KCNH7: variants seen among roughly 807,000 people sequenced by gnomAD.
KCNH7 encodes voltage-gated inwardly rectifying potassium channel KCNH7.
A neutral mutation model predicts 120.8 loss-of-function variants in KCNH7; 49 were observed. The observed-to-expected ratio is 0.41, with a 90% CI of 0.32 to 0.51. The LOEUF is 0.51. Ranked by LOEUF, KCNH7 falls within the 20% of genes least tolerant of loss-of-function variation. The pLI is 0.38. For missense variants in KCNH7, 1,097 were observed against 1,446.6 expected, an observed-to-expected ratio of 0.76 and a Z score of 3.92; for synonymous variants, 547 against 516.1, an observed-to-expected ratio of 1.06 and a Z score of -0.81.
chr2:162,671,883 T>A (rs1470644477), intron 2 of KCNH7, among the ~76,000 whole-genome samples: 1 of 152,084 alleles, frequency 6.6e-6, no homozygotes, highest in East Asian at 1.9e-4. Flanking sequence ...AAACTGGAGA[T>A]TAATTGTTCA....
intron 2 of KCNH7, among the ~76,000 whole-genome samples, chr2:162,806,992 T>C (rs1684561294): frequency 6.6e-6 from 1 of 151,558 alleles, no homozygotes; most frequent in Non-Finnish European, 1.5e-5. Flanking sequence ...ACAATAGAAA[T>C]AGAAACTATA....
At chr2:162,435,866 T>C (rs1375365091) in intron 7 of KCNH7, among the ~76,000 whole-genome samples, 1 of 152,106 alleles carries the variant, frequency 6.6e-6, no homozygotes, top group Non-Finnish European at 1.5e-5. Flanking sequence ...CTAAGTGCCT[T>C]GCATAAGTCC....
chr2:162,805,179 G>T (rs1428369886), intron 2 of KCNH7, among the ~76,000 whole-genome samples: 1 of 151,822 alleles, frequency 6.6e-6, no homozygotes, highest in Non-Finnish European at 1.5e-5. Flanking sequence ...CCTAGGCAAA[G>T]AAATCATGAC....
At chr2:162,804,803 A>T (rs1007245692) in intron 2 of KCNH7, among the ~76,000 whole-genome samples, 4 of 151,564 alleles carry the variant, frequency 2.6e-5, no homozygotes, top group African/African-American at 9.7e-5. Context: ...AAATAATCCT[A>T]AGCAAAAAGA....
chr2:162,456,056 T>C (rs930596724), intron 6 of KCNH7, among the ~76,000 whole-genome samples: 2 of 152,182 alleles, frequency 1.3e-5, no homozygotes. Context: ...TCTTCCCAGC[T>C]TTCTGATGTG....
chr2:162,556,643 G>T (rs969390179), intron 2 of KCNH7, among the ~76,000 whole-genome samples: 1 of 152,110 alleles, frequency 6.6e-6, no homozygotes, highest in African/African-American at 2.4e-5. Flanking sequence ...CCATCTTACT[G>T]AGTCTTTAAA....
At chr2:162,780,026 G>T (rs1480824946) in intron 2 of KCNH7, among the ~76,000 whole-genome samples, 1 of 152,120 alleles carries the variant, frequency 6.6e-6, no homozygotes, top group Non-Finnish European at 1.5e-5. Flanking sequence ...TGGTGCAAAT[G>T]GATTCAAGGA....
chr2:162,494,082 G>A (rs749255489), intron 6 of KCNH7, among the ~76,000 whole-genome samples: 1 of 152,098 alleles, frequency 6.6e-6, no homozygotes, highest in African/African-American at 2.4e-5. Context: ...TCACTGCAAG[G>A]TCAAACTGGT....
At chr2:162,745,259 A>C (rs1688276185) in intron 2 of KCNH7, among the ~76,000 whole-genome samples, 1 of 152,192 alleles carries the variant, frequency 6.6e-6, no homozygotes, top group South Asian at 2.1e-4. Flanking sequence ...TTGTCGATTC[A>C]ATCTCAATTC....
intron 2 of KCNH7, among the ~76,000 whole-genome samples, chr2:162,666,946 T>G (rs188408842): frequency 7.3e-4 from 111 of 152,200 alleles, no homozygotes; most frequent in African/African-American, 2.6e-3. Context: ...ATTTGCATAT[T>G]TTCTCTCAAA....
At chr2:162,464,064 C>A (rs1433831623) in intron 6 of KCNH7, among the ~76,000 whole-genome samples, 4 of 151,898 alleles carry the variant, frequency 2.6e-5, no homozygotes, top group Non-Finnish European at 5.9e-5. Flanking sequence ...CAACTATCAA[C>A]CAAAGTCTTT....
chr2:162,615,998 A>G (rs1019337454), intron 2 of KCNH7, among the ~76,000 whole-genome samples: 12 of 152,188 alleles, frequency 7.9e-5, no homozygotes, highest in African/African-American at 2.9e-4. Flanking sequence ...TGCTGAGATG[A>G]GTTTCTACAC....
At chr2:162,542,500 G>A (rs546301620) in intron 2 of KCNH7, among the ~76,000 whole-genome samples, 14 of 146,732 alleles carry the variant, frequency 9.5e-5, no homozygotes, top group African/African-American at 2.0e-4. Context: ...AACATGCAGC[G>A]TTTGGCTTTT....
At chr2:162,479,673 A>C (rs58922496) in intron 6 of KCNH7, among the ~76,000 whole-genome samples, 3 of 145,184 alleles carry the variant, frequency 2.1e-5, no homozygotes, top group South Asian at 2.2e-4. Context: ...GTGTGTGTGC[A>C]TGTGTGTGTG....
At chr2:162,633,674 A>G (rs1000872272) in intron 2 of KCNH7, among the ~76,000 whole-genome samples, 1 of 151,910 alleles carries the variant, frequency 6.6e-6, no homozygotes, top group Non-Finnish European at 1.5e-5. Context: ...CCCTTTTTCT[A>G]TGTTAACTTA....
chr2:162,571,202 C>T (rs10191578), intron 2 of KCNH7, among the ~76,000 whole-genome samples: 4 of 151,234 alleles, frequency 2.6e-5, no homozygotes, highest in Non-Finnish European at 4.4e-5. Flanking sequence ...GAAAGTCTCA[C>T]GATACAAAAT....
intron 2 of KCNH7, among the ~76,000 whole-genome samples, chr2:162,692,746 A>C (rs538557031): frequency 6.6e-6 from 1 of 152,296 alleles, no homozygotes; most frequent in African/African-American, 2.4e-5. Flanking sequence ...AACACTGGAA[A>C]ATAAAACAAA....
chr2:162,598,935 A>T (rs966534053), intron 2 of KCNH7, among the ~76,000 whole-genome samples: 2 of 152,134 alleles, frequency 1.3e-5, no homozygotes, highest in African/African-American at 4.8e-5. Context: ...TAGTTGAAAC[A>T]GTAAATTTGT....
chr2:162,447,025 A>T (rs1688603064), intron 6 of KCNH7, among the ~76,000 whole-genome samples: 1 of 152,132 alleles, frequency 6.6e-6, no homozygotes, highest in South Asian at 2.1e-4. Context: ...AACACAAAAG[A>T]GGCTTTTCCT....
Sources: allele counts gnomAD v4.1 joint callset (sites outside exome capture counted in the v4.1 genomes callset), GRCh38; gene constraint gnomAD v4.1.1; transcripts MANE v1.5; gene names NCBI Gene and HGNC (gene_info 2026-07-23, HGNC 2026-07-21).